DLGAP2: variants seen among roughly 807,000 people sequenced by gnomAD.
DLGAP2 encodes disks large-associated protein 2.
Under a neutral mutation model 100.3 loss-of-function variants are expected in DLGAP2, and 26 were observed. The ratio of observed to expected loss-of-function variants is 0.26; its 90% CI spans 0.19 to 0.36. The LOEUF (loss-of-function observed/expected upper bound fraction) is 0.36, where lower values mean the gene tolerates loss of function less well. Among genes scored for constraint, DLGAP2 ranks in the 10% least tolerant of loss-of-function variants. DLGAP2 has a pLI of 1.00. For missense variants in DLGAP2, 1,858 were observed against 1,453.2 expected (o/e 1.28, Z -4.53); for synonymous variants, 886 against 630.1 (o/e 1.41, Z -6.08).
chr8:1,243,752 C>A (rs1304122881), intron 2 of DLGAP2, among the ~76,000 whole-genome samples: 1 of 152,138 alleles, frequency 6.6e-6, no homozygotes, highest in African/African-American at 2.4e-5. Context: ...GAGCATCTCG[C>A]CTCTGCTGTC....
At chr8:1,469,173 G>T (rs1413432809) in intron 3 of DLGAP2, among the ~76,000 whole-genome samples, 5 of 152,226 alleles carry the variant, frequency 3.3e-5, no homozygotes, top group Admixed American at 6.5e-5. Flanking sequence ...CCTAAAAGCT[G>T]TGGCAGATCC....
At chr8:1,351,201 C>G (rs1447225146) in intron 3 of DLGAP2, among the ~76,000 whole-genome samples, 2 of 17,360 alleles carry the variant, frequency 1.2e-4, no homozygotes, top group Non-Finnish European at 1.9e-4. Context: ...TGTGTGGAAA[C>G]ACCGTGCGGG....
At chr8:958,734 C>A (rs940042278) in intron 2 of DLGAP2, among the ~76,000 whole-genome samples, 2 of 151,964 alleles carry the variant, frequency 1.3e-5, no homozygotes, top group African/African-American at 4.8e-5. Flanking sequence ...AGAAGAGTTT[C>A]AGTAGTTTAG....
intron 4 of DLGAP2, among the ~76,000 whole-genome samples, chr8:1,525,366 T>G (rs1800759048): frequency 1.3e-5 from 2 of 152,226 alleles, no homozygotes; most frequent in Non-Finnish European, 2.9e-5. Flanking sequence ...TGGATTTTTC[T>G]GAATGAAATT....
chr8:1,303,213 C>T (rs1474506395), intron 3 of DLGAP2, among the ~76,000 whole-genome samples: 4 of 152,044 alleles, frequency 2.6e-5, no homozygotes, highest in South Asian at 2.1e-4. Context: ...CTGGCTAACA[C>T]GGTGAAACCC....
intron 2 of DLGAP2, chr8:1,002,874 G>A (rs1801000871): frequency 6.6e-6 from 1 of 152,226 alleles, no homozygotes; most frequent in Non-Finnish European, 1.5e-5. Context: ...GGCGCTAGTG[G>A]GGCCCAGGCA....
At chr8:1,452,354 G>C (rs904076343) in intron 3 of DLGAP2, among the ~76,000 whole-genome samples, 3 of 152,252 alleles carry the variant, frequency 2.0e-5, no homozygotes, top group Non-Finnish European at 4.4e-5. Context: ...GTGACTGTGG[G>C]AACAGCACCA....
intron 2 of DLGAP2, among the ~76,000 whole-genome samples, chr8:1,201,678 A>G (rs1007731671): frequency 2.0e-5 from 3 of 152,176 alleles, no homozygotes; most frequent in South Asian, 2.1e-4. Context: ...GATGCCTGTG[A>G]CGTGGTCCAG....
chr8:1,414,358 TGAG>T (rs1426624292), intron 3 of DLGAP2, among the ~76,000 whole-genome samples: 1 of 152,136 alleles, frequency 6.6e-6, no homozygotes, highest in South Asian at 2.1e-4. Flanking sequence ...GGAGAGGCAG[TGAG>T]GACCTGCCAA....
chr8:1,240,351 C>G (rs1409914438), intron 2 of DLGAP2, among the ~76,000 whole-genome samples: 2 of 140,866 alleles, frequency 1.4e-5, no homozygotes, highest in East Asian at 2.2e-4. Context: ...AACGTCATGT[C>G]TAGTTCTGTC....
Position 918,079 on chromosome 8 carries a change from A to T in DLGAP2, c.73+10113A>T, listed in dbSNP as rs368507427. On this transcript the variant is annotated intron_variant, in intron 2 of 14. Coordinates refer to ENST00000637795, the MANE Select transcript of DLGAP2 (RefSeq NM_001346810.2). ...TATTCAGCCCTGCAATTTGGGAGCT[A>T]CGGGTGTAAAATCTAAGTGAATTTA... 4.8e-3 allele frequency among the ~76,000 whole-genome samples: 733 copies of T among 152,286 alleles called. 11 individuals carry two copies. The highest frequency in any genetic ancestry group is 0.017 in the African/African-American group (710 of 41,560).
chr8:858,104 G>A (rs888584680), intron 1 of DLGAP2, among the ~76,000 whole-genome samples: 7 of 152,164 alleles, frequency 4.6e-5, no homozygotes, highest in South Asian at 2.1e-4. Context: ...TGATCCACCC[G>A]CCTTGGCCCT....
At chr8:1,663,230 AGT>A (rs960586298) in intron 8 of DLGAP2, among the ~76,000 whole-genome samples, 3 of 149,768 alleles carry the variant, frequency 2.0e-5, no homozygotes, top group African/African-American at 7.4e-5. Flanking sequence ...GTGGGGTGTG[AGT>A]GTGTGTGTAC....
At position 1,450,400 on chromosome 8, in the gene DLGAP2, T is replaced by G. The variant is rs12541241; in HGVS notation, c.107-50966T>G. 1.4e-3 allele frequency among the ~76,000 whole-genome samples: 63 copies of G among 44,880 alleles called. 21 individuals are homozygous for G. The highest frequency in any genetic ancestry group is 7.3e-3 in the East Asian group (6 of 820). The allele number at this position is 44,880 out of a possible 152,430, so 29.4% of individuals were successfully genotyped here. A position where few individuals can be genotyped will look rare whatever the true frequency, so the allele number is the denominator to read the frequency against. On this transcript the variant is annotated intron_variant, in intron 3 of 14. Coordinates refer to ENST00000637795, the MANE Select transcript of DLGAP2 (RefSeq NM_001346810.2). ...GAGGGTGAAGATGAGGTGGGCGGCC[T>G]CGGTGGCTGAGGCTGAGCTGTGAGG...
At chr8:1,177,186 C>T (rs1797278784) in intron 2 of DLGAP2, among the ~76,000 whole-genome samples, 1 of 152,086 alleles carries the variant, frequency 6.6e-6, no homozygotes, top group African/African-American at 2.4e-5. Context: ...TTTGCTGGGG[C>T]CCTTACATCT....
At chr8:1,550,282 G>C (rs192696500) in intron 5 of DLGAP2, among the ~76,000 whole-genome samples, 2 of 152,264 alleles carry the variant, frequency 1.3e-5, no homozygotes, top group African/African-American at 4.8e-5. Flanking sequence ...GAGGATTGAC[G>C]GCACGCTATG....
At chr8:1,136,244 C>T (rs923051828) in intron 2 of DLGAP2, among the ~76,000 whole-genome samples, 19 of 152,124 alleles carry the variant, frequency 1.2e-4, no homozygotes, top group Admixed American at 1.0e-3. Context: ...GTTGACCTCA[C>T]ACCTGGCCTC....
At chr8:1,442,104 A>G (rs1797850306) in intron 3 of DLGAP2, among the ~76,000 whole-genome samples, 1 of 152,210 alleles carries the variant, frequency 6.6e-6, no homozygotes, top group Non-Finnish European at 1.5e-5. Flanking sequence ...GTCTCCTCTG[A>G]CCTGGCTAGG....
At chr8:949,416 T>A (rs991284430) in intron 2 of DLGAP2, among the ~76,000 whole-genome samples, 12 of 151,958 alleles carry the variant, frequency 7.9e-5, no homozygotes, top group African/African-American at 2.9e-4. Flanking sequence ...CAGGAGTGAA[T>A]GCGGATCCAG....
Sources: gnomAD v4.1 joint callset for allele counts (sites outside exome capture counted in the v4.1 genomes callset) on GRCh38, gnomAD v4.1.1 for gene constraint, MANE v1.5 for transcripts, NCBI Gene and HGNC (gene_info 2026-07-23, HGNC 2026-07-21) for gene names.